Variants in SYNE2 observed in about 807,000 individuals in gnomAD.
SYNE2 encodes spectrin repeat containing nuclear envelope protein 2, also known as nesprin-2.
In SYNE2, 431 loss-of-function variants were observed where a neutral mutation model predicts 856.3. The observed-to-expected ratio is 0.50, with a 90% confidence interval of 0.47 to 0.55. The LOEUF (loss-of-function observed/expected upper bound fraction) is 0.55, where lower values mean the gene tolerates loss of function less well. Ranked by LOEUF, SYNE2 falls within the 20% of genes least tolerant of loss-of-function variation. SYNE2 has a pLI of 0.00. For synonymous variants in SYNE2, 2,923 were observed against 2,872.3 expected, an observed-to-expected ratio of 1.02 and a Z score of -0.56; for missense variants, 8,129 against 8,023.2, an observed-to-expected ratio of 1.01 and a Z score of -0.50.
intron 1 of SYNE2, among the ~76,000 whole-genome samples, chr14:63,865,518 AGCT>A (rs1894957595): frequency 6.6e-6 from 1 of 152,050 alleles, no homozygotes; most frequent in Non-Finnish European, 1.5e-5. Context: ...CCTCCCAAGT[AGCT>A]GGAGGCTACT....
chr14:64,191,589 A>C (rs1238429858), intron 99 of SYNE2, among the ~76,000 whole-genome samples: 1 of 152,222 alleles, frequency 6.6e-6, no homozygotes, highest in Non-Finnish European at 1.5e-5. Flanking sequence ...ATGAGCTAGA[A>C]AGATGGGCTG....
At chr14:63,883,519 T>C (rs1399628401) in intron 1 of SYNE2, among the ~76,000 whole-genome samples, 3 of 80,162 alleles carry the variant, frequency 3.7e-5, no homozygotes, top group African/African-American at 1.4e-4. Flanking sequence ...CTGGCTAACT[T>C]TTTTTGGTAT....
At chr14:63,785,188 C>T (rs1361554009) in intron 1 of SYNE2, among the ~76,000 whole-genome samples, 2 of 151,992 alleles carry the variant, frequency 1.3e-5, no homozygotes, top group Non-Finnish European at 1.5e-5. Flanking sequence ...AGGCCAGGCA[C>T]GGTGGCTCAC....
chr14:64,108,528 T>G (rs1460249544), intron 65 of SYNE2, among the ~76,000 whole-genome samples: 1 of 152,086 alleles, frequency 6.6e-6, no homozygotes, highest in East Asian at 1.9e-4. Flanking sequence ...ATTTTGGTGT[T>G]TAGCTGGACC....
intron 19 of SYNE2, 58 bp from the exon 20 acceptor site, chr14:63,990,353 A>C: frequency 3.9e-6 from 6 of 1,543,998 alleles, no homozygotes; most frequent in Non-Finnish European, 5.3e-6. Context: ...TGTTTTGATT[A>C]ATGTTTAGCA....
intron 1 of SYNE2, among the ~76,000 whole-genome samples, chr14:63,861,144 GTTTTTT>G (rs71123806): frequency 5.5e-5 from 7 of 128,372 alleles, no homozygotes; most frequent in African/African-American, 1.7e-4. Context: ...TTACCACATT[GTTTTTT>G]TTTTTTTTTT....
intron 61 of SYNE2, among the ~76,000 whole-genome samples, chr14:64,096,174 C>T (rs1204262363): frequency 2.0e-5 from 3 of 152,156 alleles, no homozygotes; most frequent in Non-Finnish European, 2.9e-5. Context: ...TATTCTGTTA[C>T]GGCAGCACAA....
chr14:64,150,719 A>C (rs897251272), intron 84 of SYNE2, among the ~76,000 whole-genome samples: 1 of 152,258 alleles, frequency 6.6e-6, no homozygotes, highest in Non-Finnish European at 1.5e-5. Flanking sequence ...AATTCAAAGA[A>C]GGAAAGTGAT....
intron 1 of SYNE2, among the ~76,000 whole-genome samples, chr14:63,879,119 G>T (rs536510294): frequency 6.6e-6 from 1 of 152,186 alleles, no homozygotes; most frequent in African/African-American, 2.4e-5. Context: ...CATAAGCCAA[G>T]AAGACTGTAA....
At chr14:64,163,170 T>C (rs909026202) in intron 88 of SYNE2, among the ~76,000 whole-genome samples, 7 of 152,222 alleles carry the variant, frequency 4.6e-5, no homozygotes, top group African/African-American at 1.4e-4. Flanking sequence ...CTCGACTCTA[T>C]TAGTCAGTGG....
intron 1 of SYNE2, among the ~76,000 whole-genome samples, chr14:63,872,432 CAAA>C (rs35493713): frequency 7.0e-6 from 1 of 142,066 alleles, no homozygotes. Flanking sequence ...GACACCATCT[CAAA>C]AAAAAAAAAG....
At chr14:64,174,150 C>T (rs1001097896) in intron 94 of SYNE2, 49 of 402,114 alleles carry the variant, frequency 1.2e-4, no homozygotes, top group Middle Eastern at 6.8e-4. Flanking sequence ...TGGCTCACTG[C>T]AATCTCTGCC....
chr14:64,056,013 A>G lies in SYNE2; in HGVS notation c.9814A>G (p.Ile3272Val). The G allele has an allele frequency of 6.2e-7, 1 of 1,614,102 alleles. No homozygotes were observed. Residue 3272 changes from isoleucine (I) to valine (V), a missense_variant, in exon 49 of 116, where the codon ATC (isoleucine) becomes GTC (valine). Physicochemically the swap from Ile to Val is conservative, Grantham distance 29 (BLOSUM62 3). This residue lies in a region of SYNE2 where 5,410 missense variants were observed against 5,284.8 expected (regional missense o/e 1.02). Transcript: ENST00000555002. ...AGCAGTCACCAGGGCAGTGGAGAGC[A>G]TCACTTCCCTCGAAGCCATCATTAT... ...KEAVTRAVES[I>V]TSLEAIIIPY...
chr14:63,807,724 G>T (rs1389743085), intron 1 of SYNE2, among the ~76,000 whole-genome samples: 1 of 143,768 alleles, frequency 7.0e-6, no homozygotes, highest in Non-Finnish European at 1.5e-5. Context: ...GAGTGCAGTG[G>T]CAGGATCATG....
chr14:64,069,258 A>G (rs1158707430), intron 51 of SYNE2, among the ~76,000 whole-genome samples: 5 of 149,110 alleles, frequency 3.4e-5, no homozygotes, highest in Non-Finnish European at 7.4e-5. Flanking sequence ...CTTTATTTGC[A>G]TGCTAGTTTC....
At position 64,168,914 on chromosome 14, in the gene SYNE2, C is replaced by T. The variant is rs777649986; in HGVS notation, c.16943C>T (p.Ala5648Val). ...EAEVSINQTIADSYVTQSLQL... is the reference protein window; with the variant it reads ...EAEVSINQTIVDSYVTQSLQL... ...GAAGTTTCTATAAACCAGACAATTG[C>T]TGATTCCTATGTCACCCAGTCCTTA... The change falls in exon 93 of 116, where the codon GCT (alanine) becomes GTT (valine). Residue 5648 changes from alanine (A) to valine (V), a missense_variant. Ala to Val is a moderately conservative substitution (Grantham distance 64). Coordinates refer to ENST00000555002, the MANE Select transcript of SYNE2 (RefSeq NM_182914.3). 2 of 1,613,952 alleles carry T rather than the reference C, an allele frequency of 1.2e-6. No homozygotes were observed. The highest frequency in any genetic ancestry group is 1.6e-4 in the Middle Eastern group (1 of 6,084).
intron 1 of SYNE2, among the ~76,000 whole-genome samples, chr14:63,799,940 A>G (rs937680766): frequency 1.5e-4 from 23 of 152,190 alleles, no homozygotes; most frequent in African/African-American, 5.1e-4. Context: ...ATTTCCTTCA[A>G]CGGGACATCA....
rs753594847 is a variant in SYNE2 at position 63,963,890 on chromosome 14, A to G, written c.889-9A>G. 17 of 1,602,970 alleles carry G rather than the reference A, an allele frequency of 1.1e-5. No individual in the cohort carries two copies. In the Admixed American group the frequency reaches 2.0e-4, roughly 19 times the overall value. On this transcript the variant is annotated splice_polypyrimidine_tract_variant and intron_variant, in intron 9 of 115. Transcript: ENST00000555002. The stretch of plus-strand genomic sequence containing the variant: ...AAATATAGTTTAATTTTGTGTGTGT[A>G]AAATACAGGGAAAGGTGAAAGATGC...
intron 45 of SYNE2, among the ~76,000 whole-genome samples, chr14:64,039,165 TGTA>T (rs1203865718): frequency 6.6e-6 from 1 of 152,232 alleles, no homozygotes; most frequent in Admixed American, 6.5e-5. Flanking sequence ...TGCTTTATAT[TGTA>T]AAGCTTTAGA....
Sources: gnomAD v4.1 joint callset for allele counts (sites outside exome capture counted in the v4.1 genomes callset) on GRCh38, gnomAD v4.1.1 for gene constraint, gnomAD v4.1.1 regional missense constraint, MANE v1.5 for transcripts, NCBI Gene and HGNC (gene_info 2026-07-23, HGNC 2026-07-21) for gene names.